Variants in CFAP97D2 observed in about 807,000 individuals in gnomAD.
CFAP97D2 encodes uncharacterized protein CFAP97D2.
intron 4 of CFAP97D2, chr13:114,214,000 C>G (rs929180442): frequency 4.3e-5 from 6 of 138,800 alleles, no homozygotes; most frequent in African/African-American, 1.6e-4. Flanking sequence ...TCCAGGACCA[C>G]AGACCCCACC....
At chr13:114,197,807 C>G (rs1182270709) in intron 2 of CFAP97D2, among the ~76,000 whole-genome samples, 4 of 144,316 alleles carry the variant, frequency 2.8e-5, no homozygotes, top group Non-Finnish European at 5.9e-5. Context: ...CTCAGCCTGC[C>G]GAGTAGCTGG....
rs1462613609 is a variant in CFAP97D2 at position 114,187,310 on chromosome 13, G to C, written c.90+7890G>C. Among the ~76,000 whole-genome samples, 1 of 151,322 alleles carries C rather than the reference G, an allele frequency of 6.6e-6. No individual in the cohort carries two copies. The highest frequency in any genetic ancestry group is 1.5e-5 in the Non-Finnish European group (1 of 67,902). On this transcript the variant is annotated intron_variant, in intron 1 of 4. Coordinates refer to ENST00000646158, the Ensembl canonical transcript of CFAP97D2. This position sits in a 1 kb window ranked among gnomAD's most constrained non-coding sequence, Gnocchi z 4.2. ...AAACAAAATAGTAACAAATATGATA[G>C]CTATTTATCCAACTATATTAATCAC...
intron 2 of CFAP97D2, 134 bp downstream of exon 2, chr13:114,196,610 A>G (rs957825652): frequency 2.5e-6 from 1 of 395,558 alleles, no homozygotes; most frequent in African/African-American, 2.1e-5. Context: ...TAGGTGATTA[A>G]TTAGCCCCGT....
At chr13:114,202,849 C>T (rs913354562) in intron 3 of CFAP97D2, among the ~76,000 whole-genome samples, 4 of 152,164 alleles carry the variant, frequency 2.6e-5, no homozygotes, top group African/African-American at 9.7e-5. Flanking sequence ...GGCATTGGTT[C>T]CATGCTGGGA....
At chr13:114,195,840 G>T (rs2080884181) in intron 1 of CFAP97D2, among the ~76,000 whole-genome samples, 1 of 151,718 alleles carries the variant, frequency 6.6e-6, no homozygotes, top group Admixed American at 6.6e-5. Context: ...GGGAGGCCGA[G>T]GCAGGTGGAT....
chr13:114,211,431 A>C lies in CFAP97D2; in HGVS notation c.291-481A>C, dbSNP rs2080966027. ...CTTCCACATGTGCCAGACTCTGTGC[A>C]CTGCTAGACCCTCCAAAATCCAACC... On this transcript the variant is annotated intron_variant, in intron 3 of 4. Transcript: ENST00000646158. The surrounding 1 kb of genome is among the most constrained non-coding windows in gnomAD (Gnocchi z 4.2). Among the ~76,000 whole-genome samples, 1 of 152,122 alleles carries C rather than the reference A, an allele frequency of 6.6e-6. No homozygotes were observed. The highest frequency in any genetic ancestry group is 2.4e-5 in the African/African-American group (1 of 41,418).
At position 114,192,692 on chromosome 13, in the gene CFAP97D2, G is replaced by A. The variant is rs138759580; in HGVS notation, c.91-3704G>A. Among the ~76,000 whole-genome samples the A allele has an allele frequency of 1.8e-3, 277 of 152,212 alleles. 4 individuals carry two copies. Among genetic ancestry groups the A allele is most frequent in the African/African-American group, 6.2e-3 (256 of 41,548 alleles). Reference sequence around the variant, plus strand: ...GTAAAAAAACACAAATCAATCTCACGTATGAATATCAATATGAAGACAAAA... The same window carrying A: ...GTAAAAAAACACAAATCAATCTCACATATGAATATCAATATGAAGACAAAA... On this transcript the variant is annotated intron_variant, in intron 1 of 4. Transcript: ENST00000646158.
chr13:114,213,427 C>T (rs928882769), intron 4 of CFAP97D2, among the ~76,000 whole-genome samples: 1 of 147,974 alleles, frequency 6.8e-6, no homozygotes, highest in African/African-American at 2.5e-5. Flanking sequence ...GACCACAGAA[C>T]CCATCCCTGT....
chr13:114,217,600 G>C (rs556921624), intron 4 of CFAP97D2, among the ~76,000 whole-genome samples: 1 of 152,258 alleles, frequency 6.6e-6, no homozygotes, highest in Non-Finnish European at 1.5e-5. Context: ...CAATATCCCT[G>C]GTGAACATCA....
rs1466934149 is a variant in CFAP97D2 at position 114,185,846 on chromosome 13, G to A, written c.90+6426G>A. The stretch of plus-strand genomic sequence containing the variant: ...GCACAGTGCTGGCTGCGTGCCTCTT[G>A]GCATGAACAGCCTGCGTGCCATGAA... On this transcript the variant is annotated intron_variant, in intron 1 of 4. Coordinates refer to ENST00000646158, the Ensembl canonical transcript of CFAP97D2. The surrounding 1 kb of genome is among the most constrained non-coding windows in gnomAD (Gnocchi z 5.2). Among the ~76,000 whole-genome samples the A allele has an allele frequency of 6.6e-6, 1 of 152,234 alleles. No individual in the cohort carries two copies. Among genetic ancestry groups the A allele is most frequent in the East Asian group, 1.9e-4 (1 of 5,192 alleles).
At chr13:114,212,177 A>G (rs2080970005) in intron 4 of CFAP97D2, 1 of 398,038 alleles carries the variant, frequency 2.5e-6, no homozygotes, top group South Asian at 1.4e-4. Context: ...GATTCATCAG[A>G]ATTATGTACT....
intron 1 of CFAP97D2, among the ~76,000 whole-genome samples, chr13:114,182,015 A>C (rs1176759827): frequency 6.6e-6 from 1 of 152,170 alleles, no homozygotes; most frequent in Non-Finnish European, 1.5e-5. Flanking sequence ...GAGAAATAAC[A>C]GTGGGCCCAG....
intron 1 of CFAP97D2, among the ~76,000 whole-genome samples, chr13:114,196,093 A>C (rs2138761684): frequency 6.7e-6 from 1 of 148,378 alleles, no homozygotes; most frequent in South Asian, 2.1e-4. Context: ...AAAAAAAAAA[A>C]AAAGCCTCTT....
rs905674774 is a variant in CFAP97D2, at chr13:114,186,714, C to T, written c.90+7294C>T. Among the ~76,000 whole-genome samples, 2 of 152,244 alleles carry T rather than the reference C, an allele frequency of 1.3e-5. No individual in the cohort carries two copies. Among genetic ancestry groups the T allele is most frequent in the Non-Finnish European group, 2.9e-5 (2 of 68,040 alleles). On this transcript the variant is annotated intron_variant, in intron 1 of 4. Coordinates refer to ENST00000646158, the Ensembl canonical transcript of CFAP97D2. This position sits in a 1 kb window ranked among gnomAD's most constrained non-coding sequence, Gnocchi z 4.3. ...AACTATGGAAGCTTCTTGCAGTATG[C>T]CTGGTCCAGGCACAGCCTCGCAGTG...
chr13:114,215,089 T>G (rs1458121517), intron 4 of CFAP97D2, among the ~76,000 whole-genome samples: 1 of 152,166 alleles, frequency 6.6e-6, no homozygotes, highest in Non-Finnish European at 1.5e-5. Context: ...CATTTAGATT[T>G]TCAATGGATA....
At chr13:114,216,156 GC>G (rs2080992383) in intron 4 of CFAP97D2, among the ~76,000 whole-genome samples, 1 of 152,228 alleles carries the variant, frequency 6.6e-6, no homozygotes, top group Non-Finnish European at 1.5e-5. Context: ...TGAAATCACA[GC>G]CCCACAGGTG....
At chr13:114,182,268 A>C (rs1465100671) in intron 1 of CFAP97D2, among the ~76,000 whole-genome samples, 1 of 152,006 alleles carries the variant, frequency 6.6e-6, no homozygotes, top group Non-Finnish European at 1.5e-5. Flanking sequence ...CCGCCCAAAC[A>C]TCTCAGTGGA....
chr13:114,192,154 C>T (rs1187974960), intron 1 of CFAP97D2, among the ~76,000 whole-genome samples: 5 of 152,002 alleles, frequency 3.3e-5, no homozygotes, highest in Non-Finnish European at 7.4e-5. Context: ...GTGACGGATA[C>T]CTGTTATTGT....
In CFAP97D2 at chr13:114,186,375, T is replaced by C. The variant is rs565632643; in HGVS notation, c.90+6955T>C. On this transcript the variant is annotated intron_variant, in intron 1 of 4. Coordinates refer to ENST00000646158, the Ensembl canonical transcript of CFAP97D2. The surrounding 1 kb of genome is among the most constrained non-coding windows in gnomAD (Gnocchi z 4.3). ...GGGTCTCCTCTGAGCTGTTCTATTGTTCAGTAAAGCTCCTCTTTGTCTTGC... is the reference window on the plus strand; with the variant it reads ...GGGTCTCCTCTGAGCTGTTCTATTGCTCAGTAAAGCTCCTCTTTGTCTTGC... Among the ~76,000 whole-genome samples the C allele has an allele frequency of 1.3e-5, 2 of 152,216 alleles. No homozygotes were observed. Among genetic ancestry groups the C allele is most frequent in the African/African-American group, 4.8e-5 (2 of 41,524 alleles).
Sources: allele counts gnomAD v4.1 joint callset (sites outside exome capture counted in the v4.1 genomes callset), GRCh38; gene constraint gnomAD v4.1.1; non-coding constraint Gnocchi (gnomAD v3.1); transcripts MANE v1.5; gene names NCBI Gene and HGNC (gene_info 2026-07-23, HGNC 2026-07-21).